Variants in SMYD3 observed in about 807,000 individuals in gnomAD.
The protein encoded by SMYD3 is histone-lysine N-methyltransferase SMYD3.
In SMYD3, 36 loss-of-function variants were observed where a neutral mutation model predicts 57.7. That is an observed-to-expected ratio of 0.62 (90% confidence interval 0.48 to 0.82). SMYD3 has a LOEUF of 0.82. Among genes scored for constraint, SMYD3 ranks in the 40% least tolerant of loss-of-function variants. The probability of loss-of-function intolerance (pLI) is 0.00; values close to 1 mark genes in which losing one functional copy is unlikely to be tolerated. For synonymous variants in SMYD3, 211 were observed against 195.0 expected (o/e 1.08, Z -0.68); for missense variants, 515 against 538.8 (o/e 0.96, Z 0.44).
chr1:245,817,427 TA>T (rs1558381267), intron 10 of SMYD3, among the ~76,000 whole-genome samples: 1 of 149,282 alleles, frequency 6.7e-6, no homozygotes, highest in East Asian at 2.0e-4. Flanking sequence ...CAAAAGTAGA[TA>T]AAACCACAAA....
rs368993012 is a variant in SMYD3, at chr1:245,842,945, G to A, written c.1076+15551C>T. On this transcript the variant is annotated intron_variant, in intron 10 of 11. Transcript: ENST00000490107. ...AGGTTGATCTCAAACTTCTTGCCTC[G>A]AGGGATCCTCCCACTTTGGCCTCCC... 1.1e-4 allele frequency among the ~76,000 whole-genome samples: 17 copies of A among 152,098 alleles called. 1 individual carries two copies. The highest frequency in any genetic ancestry group is 5.8e-4 in the East Asian group (3 of 5,192).
chr1:245,934,844 C>G (rs138114269), intron 5 of SMYD3, among the ~76,000 whole-genome samples: 120 of 152,238 alleles, frequency 7.9e-4, no homozygotes, highest in Middle Eastern at 6.8e-3. Context: ...CAAGTTTTAC[C>G]AGGGAGCATG....
chr1:246,093,356 G>A (rs566841557), intron 5 of SMYD3, among the ~76,000 whole-genome samples: 4 of 152,276 alleles, frequency 2.6e-5, no homozygotes, highest in Admixed American at 6.5e-5. Flanking sequence ...GTCAAGATAC[G>A]TAACCAACCT....
intron 5 of SMYD3, among the ~76,000 whole-genome samples, chr1:246,041,212 A>G (rs1184330865): frequency 2.0e-5 from 3 of 152,236 alleles, no homozygotes; most frequent in South Asian, 4.2e-4. Context: ...AGGTACCTCT[A>G]TGATGTTTGC....
At chr1:246,463,402 G>A (rs780886787) in intron 1 of SMYD3, among the ~76,000 whole-genome samples, 2 of 152,138 alleles carry the variant, frequency 1.3e-5, no homozygotes, top group Non-Finnish European at 2.9e-5. Flanking sequence ...ACTAGTTACT[G>A]AAATAAGGAA....
chr1:246,226,452 A>G (rs1468307733), intron 5 of SMYD3, among the ~76,000 whole-genome samples: 1 of 152,254 alleles, frequency 6.6e-6, no homozygotes, highest in East Asian at 1.9e-4. Context: ...CTGTGCTAGA[A>G]TAATTATAAA....
intron 10 of SMYD3, among the ~76,000 whole-genome samples, chr1:245,840,339 A>T (rs1372108376): frequency 6.6e-6 from 1 of 152,196 alleles, no homozygotes; most frequent in Non-Finnish European, 1.5e-5. Flanking sequence ...AGAAGCCAAG[A>T]AGCATCAGAA....
chr1:245,925,572 T>C (rs1230830576), intron 7 of SMYD3, among the ~76,000 whole-genome samples: 1 of 152,172 alleles, frequency 6.6e-6, no homozygotes, highest in Non-Finnish European at 1.5e-5. Context: ...TCTTCTCCAA[T>C]GATGCAACAA....
intron 1 of SMYD3, among the ~76,000 whole-genome samples, chr1:246,434,874 T>C (rs1274607716): frequency 6.6e-6 from 1 of 152,104 alleles, no homozygotes; most frequent in Non-Finnish European, 1.5e-5. Flanking sequence ...CTACTCACAA[T>C]AGCAAAAAAC....
chr1:246,091,869 C>T (rs2060829010), intron 5 of SMYD3, among the ~76,000 whole-genome samples: 1 of 152,130 alleles, frequency 6.6e-6, no homozygotes, highest in Non-Finnish European at 1.5e-5. Flanking sequence ...TTTAATAATA[C>T]CTATAGCCTT....
intron 1 of SMYD3, among the ~76,000 whole-genome samples, chr1:246,487,707 T>C (rs2068209448): frequency 6.6e-6 from 1 of 151,628 alleles, no homozygotes; most frequent in Admixed American, 6.6e-5. Flanking sequence ...TTTTTTTTTT[T>C]TTTTGAGATG....
At chr1:245,996,579 G>A (rs1025634727) in intron 5 of SMYD3, among the ~76,000 whole-genome samples, 1 of 152,210 alleles carries the variant, frequency 6.6e-6, no homozygotes, top group Non-Finnish European at 1.5e-5. Flanking sequence ...TAGGCACAGA[G>A]TAAAAATTCA....
chr1:246,355,073 G>A lies in SMYD3; in HGVS notation c.186C>T (p.Cys62=). ...CLLGKEKLMR[C]SQCRVAKYCS... is the part of the protein sequence containing the mutation. ...AGTATTTGGCGACGCGGCACTGAGA[G>A]CATCGCATCAGCTTTTCCTTCCTGT... is the stretch of plus-strand genomic sequence containing the variant. The change falls in exon 2 of 12, where the codon TGC becomes TGT. Residue 62 remains cysteine, a synonymous_variant. Transcript: ENST00000490107. This position sits in a 1 kb window ranked among gnomAD's most constrained non-coding sequence, Gnocchi z 5.0. The A allele has an allele frequency of 6.2e-7, 1 of 1,614,140 alleles. No homozygotes were observed. The highest frequency in any genetic ancestry group is 8.5e-7 in the Non-Finnish European group (1 of 1,180,022).
chr1:246,498,515 C>T (rs965319531), intron 1 of SMYD3, among the ~76,000 whole-genome samples: 1 of 152,038 alleles, frequency 6.6e-6, no homozygotes, highest in Admixed American at 6.5e-5. Flanking sequence ...GGGTGGATCA[C>T]GAGGTCAGGA....
At chr1:245,846,780 T>C (rs1177850516) in intron 10 of SMYD3, among the ~76,000 whole-genome samples, 1 of 152,228 alleles carries the variant, frequency 6.6e-6, no homozygotes, top group East Asian at 1.9e-4. Context: ...CCTAGAAAGA[T>C]GATGCTAACC....
intron 5 of SMYD3, among the ~76,000 whole-genome samples, chr1:245,990,205 G>A (rs1246836463): frequency 1.3e-5 from 2 of 152,124 alleles, no homozygotes; most frequent in Non-Finnish European, 2.9e-5. Flanking sequence ...GAGTAGCTGG[G>A]ACCACAGGGA....
intron 5 of SMYD3, among the ~76,000 whole-genome samples, chr1:246,243,883 A>ATTT (rs1217472389): frequency 6.6e-6 from 1 of 151,282 alleles, no homozygotes; most frequent in Non-Finnish European, 1.5e-5. Flanking sequence ...AAAGGTGGGG[A>ATTT]TTTTTTCCTT....
chr1:246,138,010 AT>A lies in SMYD3; in HGVS notation c.531+189190del, dbSNP rs59022565. Among the ~76,000 whole-genome samples, 8 of 152,214 alleles carry A rather than the reference AT, an allele frequency of 5.3e-5. No homozygotes were observed. The East Asian group carries it at 9.7e-4, about 18-fold the overall frequency. On this transcript the variant is annotated intron_variant, in intron 5 of 11. Coordinates refer to ENST00000490107, the MANE Select transcript of SMYD3 (RefSeq NM_001167740.2). ...CCCCCATTACACACACAAACACATA[AT>A]TTTTTTTCTTATTTCTGTTAAAAAT...
intron 11 of SMYD3, among the ~76,000 whole-genome samples, chr1:245,753,436 C>T (rs540294759): frequency 7.9e-5 from 12 of 152,250 alleles, no homozygotes; most frequent in African/African-American, 2.4e-4. Context: ...ACTGTGTGTG[C>T]GGATGTGTGC....
Sources: allele counts gnomAD v4.1 joint callset (sites outside exome capture counted in the v4.1 genomes callset), GRCh38; gene constraint gnomAD v4.1.1; non-coding constraint Gnocchi (gnomAD v3.1); transcripts MANE v1.5; gene names NCBI Gene and HGNC (gene_info 2026-07-23, HGNC 2026-07-21).